The following SNX8 variants were observed in gnomAD, a reference collection of about 807,000 sequenced individuals.
SNX8 encodes sorting nexin 8.
Under a neutral mutation model 51.6 loss-of-function variants are expected in SNX8, and 25 were observed. That is an observed-to-expected ratio of 0.48 (90% CI 0.35 to 0.68). The LOEUF (loss-of-function observed/expected upper bound fraction) is 0.68. Ranked by LOEUF, SNX8 falls within the 30% of genes least tolerant of loss-of-function variation. The pLI, the probability that SNX8 is intolerant of heterozygous loss-of-function variation, is 0.00. For synonymous variants in SNX8, 324 were observed against 277.0 expected, an observed-to-expected ratio of 1.17 and a Z score of -1.68; for missense variants, 695 against 624.0, an observed-to-expected ratio of 1.11 and a Z score of -1.21.
chr7:2,343,830 C>T (rs917602088), intron 1 of SNX8, among the ~76,000 whole-genome samples: 8 of 151,596 alleles, frequency 5.3e-5, no homozygotes, highest in African/African-American at 1.7e-4. Flanking sequence ...GCCAGCCTGA[C>T]CAACATGGAG....
At chr7:2,268,735 A>G (rs1321525190) in intron 5 of SNX8, among the ~76,000 whole-genome samples, 2 of 15,318 alleles carry the variant, frequency 1.3e-4, no homozygotes, top group Admixed American at 5.5e-4. Flanking sequence ...GGGGGGGGTC[A>G]GCCCCCCAGC....
chr7:2,274,040 C>T (rs1458992064), intron 3 of SNX8, among the ~76,000 whole-genome samples: 1 of 152,238 alleles, frequency 6.6e-6, no homozygotes. Context: ...GCCCAGCGCG[C>T]GTGTGCAGTT....
At chr7:2,274,910 G>A (rs1795740169) in intron 3 of SNX8, 3 of 556,380 alleles carry the variant, frequency 5.4e-6, no homozygotes, top group African/African-American at 3.8e-5. Flanking sequence ...GTGGGCCAAG[G>A]CTGCCGGGTG....
At chr7:2,267,882 G>C (rs1365574336) in intron 5 of SNX8, among the ~76,000 whole-genome samples, 2 of 111,148 alleles carry the variant, frequency 1.8e-5, no homozygotes, top group Admixed American at 1.8e-4. Context: ...CCTCTTCCCA[G>C]CCGCCATCAC....
intron 1 of SNX8, among the ~76,000 whole-genome samples, chr7:2,346,759 A>C (rs1459496370): frequency 6.7e-6 from 1 of 149,374 alleles, no homozygotes; most frequent in Non-Finnish European, 1.5e-5. Context: ...AAAAAAAAAA[A>C]ACAGAAAAAA....
intron 1 of SNX8, among the ~76,000 whole-genome samples, chr7:2,326,690 GAATTAAATAAATT>G (rs761113910): frequency 2.6e-5 from 4 of 151,714 alleles, no homozygotes; most frequent in Non-Finnish European, 5.9e-5. Flanking sequence ...ATAATTAATT[GAATTAAATAAATT>G]AAAGGGATAA....
chr7:2,327,178 G>A (rs900538806), intron 1 of SNX8, among the ~76,000 whole-genome samples: 1 of 151,998 alleles, frequency 6.6e-6, no homozygotes, highest in Non-Finnish European at 1.5e-5. Flanking sequence ...CTCTGCCTCT[G>A]TCATCACACA....
chr7:2,317,361 C>G (rs1399418710), upstream of SNX8, among the ~76,000 whole-genome samples: 1 of 144,898 alleles, frequency 6.9e-6, no homozygotes, highest in Non-Finnish European at 1.5e-5. Flanking sequence ...TCACTGCAAC[C>G]TCCGCCTCCC....
intron 1 of SNX8, among the ~76,000 whole-genome samples, chr7:2,325,442 A>C (rs1201834557): frequency 6.6e-6 from 1 of 152,180 alleles, no homozygotes; most frequent in Non-Finnish European, 1.5e-5. Context: ...AGAAAACCTA[A>C]ATCATCTGGG....
intron 1 of SNX8, among the ~76,000 whole-genome samples, chr7:2,282,734 T>C (rs1263378612): frequency 1.3e-5 from 2 of 152,170 alleles, no homozygotes; most frequent in East Asian, 3.9e-4. Flanking sequence ...CCCAGCACTT[T>C]GGGAGGCCGA....
intron 1 of SNX8, among the ~76,000 whole-genome samples, chr7:2,286,521 A>AT (rs147928494): frequency 0.3 from 45,580 of 149,726 alleles, 8,029 homozygotes; most frequent in East Asian, 0.6. Context: ...GCTATTTTAT[A>AT]ATTTTTTTTT....
At chr7:2,302,674 C>G (rs897463903) in intron 1 of SNX8, among the ~76,000 whole-genome samples, 1 of 151,748 alleles carries the variant, frequency 6.6e-6, no homozygotes, top group Admixed American at 6.6e-5. Context: ...TCTTCCCGGC[C>G]GCCACCACAT....
intron 1 of SNX8, among the ~76,000 whole-genome samples, chr7:2,283,697 G>A (rs1046742880): frequency 6.6e-5 from 10 of 152,334 alleles, no homozygotes; most frequent in Middle Eastern, 3.4e-3. Flanking sequence ...CCCAAAGTGG[G>A]TGCGTATCAG....
chr7:2,290,835 G>A (rs192784288), intron 1 of SNX8, among the ~76,000 whole-genome samples: 46 of 152,258 alleles, frequency 3.0e-4, no homozygotes, highest in Non-Finnish European at 5.3e-4. Flanking sequence ...CCTCCACCAC[G>A]GCCTCTCTGC....
intron 2 of SNX8, among the ~76,000 whole-genome samples, chr7:2,276,758 AAT>A (rs1795790147): frequency 6.6e-6 from 1 of 152,206 alleles, no homozygotes; most frequent in South Asian, 2.1e-4. Flanking sequence ...CAGCCTGGAC[AAT>A]ATAGTGAGAT....
At chr7:2,303,489 A>G (rs1398848021) in intron 1 of SNX8, among the ~76,000 whole-genome samples, 1 of 152,244 alleles carries the variant, frequency 6.6e-6, no homozygotes, top group African/African-American at 2.4e-5. Context: ...CCAGGATGAC[A>G]ATGGCGGTTT....
intron 7 of SNX8, among the ~76,000 whole-genome samples, 160 bp from the exon 8 acceptor site, chr7:2,257,963 C>A (rs1795233555): frequency 6.6e-6 from 1 of 152,150 alleles, no homozygotes; most frequent in African/African-American, 2.4e-5. Flanking sequence ...CCCTTCCCCA[C>A]CAGCCCACCC....
rs1309947453 is a variant in SNX8, at chr7:2,267,775, C to A, written c.621+1784G>T. The stretch of plus-strand genomic sequence containing the variant: ...GGAGTGTCTCTGCCTGGCCGCCCAT[C>A]GTCTGGGATGTGAGGAGCCCCTCTG... On this transcript the variant is annotated intron_variant, in intron 5 of 10. Coordinates refer to ENST00000222990, the MANE Select transcript of SNX8 (RefSeq NM_013321.4). Among the ~76,000 whole-genome samples, 526 of 132,608 alleles carry A rather than the reference C, an allele frequency of 4.0e-3. 11 individuals carry two copies. The East Asian group carries it at 0.082, about 21-fold the overall frequency. 87.0% of individuals were successfully genotyped at this position (132,608 alleles called of 152,430 possible). A position where few individuals can be genotyped will look rare whatever the true frequency, so the allele number is the denominator to read the frequency against.
At chr7:2,296,662 G>A (rs985576632) in intron 1 of SNX8, among the ~76,000 whole-genome samples, 4 of 151,966 alleles carry the variant, frequency 2.6e-5, no homozygotes, top group African/African-American at 7.3e-5. Context: ...CGGGTGTGGT[G>A]GCTCACACCT....
Sources: gnomAD v4.1 joint callset for allele counts (sites outside exome capture counted in the v4.1 genomes callset) on GRCh38, gnomAD v4.1.1 for gene constraint, MANE v1.5 for transcripts, NCBI Gene and HGNC (gene_info 2026-07-23, HGNC 2026-07-21) for gene names.